SP140L: variants seen among roughly 807,000 people sequenced by gnomAD.
The protein encoded by SP140L is SP140 like nuclear body protein.
A neutral mutation model predicts 84.3 loss-of-function variants in SP140L; 64 were observed. The observed-to-expected ratio is 0.76, with a 90% CI of 0.62 to 0.94. The LOEUF is 0.94. SP140L is among the 40% of genes least tolerant of loss of function. The pLI is 0.00. For synonymous variants in SP140L, 242 were observed against 236.9 expected (o/e 1.02, Z -0.20); for missense variants, 628 against 692.5 (o/e 0.91, Z 1.05).
intron 2 of SP140L, among the ~76,000 whole-genome samples, chr2:230,356,445 C>A (rs2149727369): frequency 1.3e-5 from 2 of 152,226 alleles, no homozygotes; most frequent in South Asian, 4.1e-4. Context: ...TTCAACACAG[C>A]AACATAGATG....
intron 9 of SP140L, among the ~76,000 whole-genome samples, chr2:230,386,941 T>C (rs993052924): frequency 1.3e-5 from 2 of 152,186 alleles, no homozygotes; most frequent in Non-Finnish European, 2.9e-5. Context: ...TCTGGATCTA[T>C]TCTCACTGTA....
chr2:230,385,370 G>A (rs1393584877), intron 9 of SP140L, 66 bp downstream of exon 9: 2 of 1,468,982 alleles, frequency 1.4e-6, no homozygotes, highest in Non-Finnish European at 1.9e-6. Context: ...AGGTTTTGAG[G>A]AGCCTAGAAG....
At chr2:230,371,488 G>A in intron 6 of SP140L, 110 bp from the exon 7 acceptor site, 1 of 1,026,414 alleles carries the variant, frequency 9.7e-7, no homozygotes, top group Non-Finnish European at 1.4e-6. Flanking sequence ...AGAGAAATGA[G>A]TAACCAAACA....
intron 7 of SP140L, among the ~76,000 whole-genome samples, chr2:230,378,385 A>G (rs1199112023): frequency 6.6e-6 from 1 of 152,138 alleles, no homozygotes; most frequent in Non-Finnish European, 1.5e-5. Context: ...CACAATGTCC[A>G]TGTTCTAGGC....
intron 4 of SP140L, among the ~76,000 whole-genome samples, chr2:230,360,504 T>C (rs931772570): frequency 6.6e-6 from 1 of 152,168 alleles, no homozygotes; most frequent in Admixed American, 6.5e-5. Flanking sequence ...AGAAAGTGAA[T>C]AAAAGGAAAT....
intron 14 of SP140L, chr2:230,399,917 A>G (rs2062234037): frequency 2.3e-6 from 1 of 443,150 alleles, no homozygotes; most frequent in Non-Finnish European, 4.1e-6. Context: ...AAACGTTTTT[A>G]TTCTGACATA....
intron 11 of SP140L, among the ~76,000 whole-genome samples, chr2:230,390,767 CCAAT>C (rs1345787625): frequency 6.6e-6 from 1 of 151,986 alleles, no homozygotes; most frequent in East Asian, 1.9e-4. Flanking sequence ...TTAGAGTATA[CCAAT>C]CAATGATTTT....
At chr2:230,388,767 TA>T (rs1166377860) in intron 10 of SP140L, 134 bp downstream of exon 10, 3 of 764,790 alleles carry the variant, frequency 3.9e-6, no homozygotes, top group Non-Finnish European at 5.7e-6. Flanking sequence ...AAACATATCT[TA>T]TTAAGTCATT....
intron 9 of SP140L, among the ~76,000 whole-genome samples, chr2:230,387,362 G>A (rs2061627803): frequency 6.6e-6 from 1 of 152,158 alleles, no homozygotes; most frequent in African/African-American, 2.4e-5. Flanking sequence ...CTTGGGATAA[G>A]ATGTCTGTAA....
chr2:230,342,402 T>C (rs779383436), intron 2 of SP140L, among the ~76,000 whole-genome samples: 3 of 152,306 alleles, frequency 2.0e-5, no homozygotes, highest in Non-Finnish European at 4.4e-5. Context: ...TGGCACTCTC[T>C]AGTGAGATGA....
intron 5 of SP140L, among the ~76,000 whole-genome samples, chr2:230,364,461 A>G (rs1412012633): frequency 6.6e-6 from 1 of 152,104 alleles, no homozygotes; most frequent in Non-Finnish European, 1.5e-5. Flanking sequence ...TTGTTAGCGT[A>G]TAGAAATGCA....
chr2:230,366,555 T>C (rs2060876104), intron 5 of SP140L, among the ~76,000 whole-genome samples: 1 of 151,772 alleles, frequency 6.6e-6, no homozygotes, highest in African/African-American at 2.4e-5. Flanking sequence ...ACTTGAGTTT[T>C]TTTTTATTAT....
In SP140L at chr2:230,357,866, T is replaced by C. The variant is rs750035887; in HGVS notation, c.169T>C (p.Phe57Leu). Residue 57 changes from phenylalanine to leucine, a missense_variant, in exon 3 of 19, where the codon TTC becomes CTC. Phe to Leu is a conservative substitution (Grantham distance 22, BLOSUM62 0). Transcript: ENST00000415673. ...GLVYDTVFKH[F>L]KRHKLEISNA... ...TGTCTATGACACTGTATTCAAGCAC[T>C]TCAAAAGACATAAGCTGGAGATATC... 6.2e-6 allele frequency: 10 copies of C among 1,614,020 alleles called. No individual in the cohort carries two copies. In the Admixed American group the frequency reaches 1.7e-4, roughly 27 times the overall value.
chr2:230,386,706 A>G (rs1422254927), intron 9 of SP140L, among the ~76,000 whole-genome samples: 1 of 152,176 alleles, frequency 6.6e-6, no homozygotes, highest in Non-Finnish European at 1.5e-5. Context: ...AGTAGACTTC[A>G]TGTTGTTTCT....
At chr2:230,356,470 CCAGACACAAA>C (rs1252322473) in intron 2 of SP140L, among the ~76,000 whole-genome samples, 2 of 152,134 alleles carry the variant, frequency 1.3e-5, no homozygotes, top group African/African-American at 4.8e-5. Context: ...GCAAAAGAAG[CCAGACACAAA>C]AGCATGTATA....
chr2:230,372,119 A>C (rs924355545), intron 7 of SP140L: 1 of 165,470 alleles, frequency 6.0e-6, no homozygotes. Flanking sequence ...ATGAAGGCCT[A>C]CACCTTGACT....
intron 5 of SP140L, among the ~76,000 whole-genome samples, chr2:230,362,422 G>T (rs72495170): frequency 0.16 from 24,351 of 152,018 alleles, 2,461 homozygotes; most frequent in South Asian, 0.23. Context: ...ATTTAAATGT[G>T]GGGATGTTGT....
intron 2 of SP140L, among the ~76,000 whole-genome samples, chr2:230,352,062 ATC>A (rs746274554): frequency 2.6e-5 from 4 of 152,164 alleles, no homozygotes; most frequent in Non-Finnish European, 5.9e-5. Context: ...CATTTTATAT[ATC>A]TCCATTTATT....
chr2:230,331,033 T>C (rs1252533225), intron 2 of SP140L, among the ~76,000 whole-genome samples: 1 of 152,070 alleles, frequency 6.6e-6, no homozygotes, highest in African/African-American at 2.4e-5. Flanking sequence ...CTGATTTTAG[T>C]CAATAAAGGC....
Sources: allele counts gnomAD v4.1 joint callset (sites outside exome capture counted in the v4.1 genomes callset), GRCh38; gene constraint gnomAD v4.1.1; transcripts MANE v1.5; gene names NCBI Gene and HGNC (gene_info 2026-07-23, HGNC 2026-07-21).